Variants in TMEM132D observed in about 807,000 individuals in gnomAD.
The protein encoded by TMEM132D is mature OL transmembrane protein.
A neutral mutation model predicts 62.3 loss-of-function variants in TMEM132D; 21 were observed. The observed-to-expected ratio is 0.34, with a 90% CI of 0.24 to 0.49. The LOEUF is 0.49. TMEM132D is among the 20% of genes least tolerant of loss of function. The pLI is 0.99. For missense variants in TMEM132D, 1,346 were observed against 1,402.8 expected (o/e 0.96, Z 0.65); for synonymous variants, 621 against 575.6 (o/e 1.08, Z -1.13).
intron 5 of TMEM132D, among the ~76,000 whole-genome samples, chr12:129,193,765 C>T (rs1005598336): frequency 1.3e-5 from 2 of 152,172 alleles, no homozygotes; most frequent in South Asian, 4.1e-4. Flanking sequence ...TCTGGTAAGT[C>T]CAGGAATATA....
At chr12:129,730,996 A>C (rs948381933) in intron 1 of TMEM132D, among the ~76,000 whole-genome samples, 1 of 152,072 alleles carries the variant, frequency 6.6e-6, no homozygotes, top group South Asian at 2.1e-4. Context: ...TGTGGGAGTC[A>C]ATACTCCTTA....
intron 4 of TMEM132D, among the ~76,000 whole-genome samples, chr12:129,232,498 T>C (rs1362508083): frequency 1.3e-5 from 2 of 152,208 alleles, no homozygotes; most frequent in Non-Finnish European, 2.9e-5. Flanking sequence ...GACTGCCTTC[T>C]GGTCCAAGGA....
At chr12:129,746,078 T>G (rs1565971086) in intron 1 of TMEM132D, among the ~76,000 whole-genome samples, 1 of 152,162 alleles carries the variant, frequency 6.6e-6, no homozygotes, top group Non-Finnish European at 1.5e-5. Context: ...GACGAATGAA[T>G]GATCAAAAGC....
intron 5 of TMEM132D, among the ~76,000 whole-genome samples, chr12:129,140,914 G>A (rs1260080822): frequency 6.6e-6 from 1 of 152,104 alleles, no homozygotes; most frequent in Non-Finnish European, 1.5e-5. Flanking sequence ...CTGATCGCGA[G>A]GAAGCATTCA....
At chr12:129,253,253 AT>A (rs1880317701) in intron 4 of TMEM132D, among the ~76,000 whole-genome samples, 1 of 151,144 alleles carries the variant, frequency 6.6e-6, no homozygotes, top group African/African-American at 2.4e-5. Context: ...AAAAAAAAAG[AT>A]TCTACATTCC....
At chr12:129,184,698 G>T (rs946459780) in intron 5 of TMEM132D, among the ~76,000 whole-genome samples, 8 of 152,172 alleles carry the variant, frequency 5.3e-5, no homozygotes, top group African/African-American at 1.7e-4. Flanking sequence ...TTCTTTGTTC[G>T]GTGTTCCTGT....
At chr12:129,200,701 G>C (rs1878681208) in intron 5 of TMEM132D, among the ~76,000 whole-genome samples, 1 of 152,212 alleles carries the variant, frequency 6.6e-6, no homozygotes, top group African/African-American at 2.4e-5. Context: ...TGCAGAAAGA[G>C]AACTGCTGGG....
At chr12:129,636,967 A>G (rs1879500872) in intron 2 of TMEM132D, among the ~76,000 whole-genome samples, 1 of 152,086 alleles carries the variant, frequency 6.6e-6, no homozygotes, top group East Asian at 1.9e-4. Context: ...TAGAAGAAAC[A>G]AAACTCTCAT....
At chr12:129,151,880 C>CTTTTT (rs11384544) in intron 5 of TMEM132D, among the ~76,000 whole-genome samples, 2 of 133,530 alleles carry the variant, frequency 1.5e-5, no homozygotes, top group Non-Finnish European at 3.2e-5. Context: ...GTGATTCAAC[C>CTTTTT]TTTTTTTTTT....
intron 1 of TMEM132D, among the ~76,000 whole-genome samples, chr12:129,879,820 T>C (rs542559288): frequency 6.6e-6 from 1 of 152,120 alleles, no homozygotes; most frequent in East Asian, 1.9e-4. Context: ...ATGGAAATAC[T>C]GAAAAAGAAG....
intron 2 of TMEM132D, among the ~76,000 whole-genome samples, chr12:129,692,274 T>C (rs917897443): frequency 1.3e-5 from 2 of 152,226 alleles, no homozygotes; most frequent in Non-Finnish European, 2.9e-5. Context: ...AAGGCTGATT[T>C]CATGTTCAAA....
chr12:129,074,358 C>G lies in TMEM132D; in HGVS notation c.2817G>C (p.Val939=), dbSNP rs1469267816. 6.2e-7 allele frequency: 1 copy of G among 1,614,022 alleles called. No homozygotes were observed. The highest frequency in any genetic ancestry group is 8.5e-7 in the Non-Finnish European group (1 of 1,180,030). Residue 939 remains valine (V), a synonymous_variant, in exon 9 of 9, where the codon GTG becomes GTC. Coordinates refer to ENST00000422113, the MANE Select transcript of TMEM132D (RefSeq NM_133448.3). ...TGTGTCTGTATTTTAATGCAAAGGT[C>G]ACACAGTTTATCAAGAAGACCAAAA... ...LAILVFLINC[V]TFALKYRHKQ... is the part of the protein sequence containing the mutation.
intron 5 of TMEM132D, among the ~76,000 whole-genome samples, chr12:129,147,963 G>A (rs1364685870): frequency 6.6e-6 from 1 of 152,098 alleles, no homozygotes; most frequent in African/African-American, 2.4e-5. Context: ...TACTTTCTCC[G>A]TGTTGGCCAT....
At position 129,372,390 on chromosome 12, in the gene TMEM132D, T is replaced by TAA. The variant is rs549260740; in HGVS notation, c.1116-34574_1116-34573insTT. The stretch of plus-strand genomic sequence containing the variant: ...CTAGCAAGTGAAGCTTCATCTGTAT[T>TAA]TACAGCTGCTCCTCATCGTTGATGT... On this transcript the variant is annotated intron_variant, in intron 3 of 8. Coordinates refer to ENST00000422113, the MANE Select transcript of TMEM132D (RefSeq NM_133448.3). Among the ~76,000 whole-genome samples, 4 of 152,330 alleles carry TAA rather than the reference T, an allele frequency of 2.6e-5. No homozygotes were observed. The South Asian group carries it at 8.3e-4, about 32-fold the overall frequency.
chr12:129,117,717 A>G (rs1195723922), intron 5 of TMEM132D, among the ~76,000 whole-genome samples: 2 of 152,184 alleles, frequency 1.3e-5, no homozygotes, highest in African/African-American at 4.8e-5. Flanking sequence ...CTCAGACTCT[A>G]TTGCAGTGGA....
At chr12:129,305,747 C>T (rs1271118894) in intron 4 of TMEM132D, among the ~76,000 whole-genome samples, 2 of 152,136 alleles carry the variant, frequency 1.3e-5, no homozygotes, top group Admixed American at 1.3e-4. Flanking sequence ...CGGATAATAG[C>T]ACTGCGTCTC....
rs191546233 is a variant in TMEM132D at position 129,195,954 on chromosome 12, C to T, written c.1443+13566G>A. Among the ~76,000 whole-genome samples the T allele has an allele frequency of 4.1e-3, 624 of 152,124 alleles. 4 individuals carry two copies. Among genetic ancestry groups the T allele is most frequent in the Non-Finnish European group, 5.9e-3 (399 of 68,004 alleles). On this transcript the variant is annotated intron_variant, in intron 5 of 8. Transcript: ENST00000422113. ...CCAGCTGGGCCAACGTGGTGAAACC[C>T]CATCTCTACCAAAAATACAAAAATT...
intron 1 of TMEM132D, among the ~76,000 whole-genome samples, chr12:129,818,820 A>G (rs1289321421): frequency 1.3e-5 from 2 of 151,878 alleles, no homozygotes; most frequent in Admixed American, 6.6e-5. Context: ...GGATCACTTG[A>G]GCCCAGGAGT....
chr12:129,138,451 C>T lies in TMEM132D; in HGVS notation c.1444-53749G>A, dbSNP rs569149647. The stretch of plus-strand genomic sequence containing the variant: ...AGATGGCTAGGACCAGGCATGGTGG[C>T]TCATGCCTGCAATCTCAGCACTTTG... On this transcript the variant is annotated intron_variant, in intron 5 of 8. Coordinates refer to ENST00000422113, the MANE Select transcript of TMEM132D (RefSeq NM_133448.3). 1.3e-4 allele frequency among the ~76,000 whole-genome samples: 20 copies of T among 152,250 alleles called. No homozygotes were observed. The East Asian group carries it at 3.9e-3, about 29-fold the overall frequency.
Sources: allele counts gnomAD v4.1 joint callset (sites outside exome capture counted in the v4.1 genomes callset), GRCh38; gene constraint gnomAD v4.1.1; transcripts MANE v1.5; gene names NCBI Gene and HGNC (gene_info 2026-07-23, HGNC 2026-07-21).